ITGA11: variants seen among roughly 807,000 people sequenced by gnomAD.
The protein encoded by ITGA11 is integrin subunit alpha 11, also known as integrin alpha-11.
Under a neutral mutation model 141.9 loss-of-function variants are expected in ITGA11, and 97 were observed. That is an observed-to-expected ratio of 0.68 (90% CI 0.58 to 0.81). ITGA11 has a LOEUF of 0.81. Ranked by LOEUF, ITGA11 falls within the 30% of genes least tolerant of loss-of-function variation. The probability of loss-of-function intolerance (pLI) is 0.00; values close to 1 mark genes in which losing one functional copy is unlikely to be tolerated. For synonymous variants in ITGA11, 658 were observed against 624.6 expected, an observed-to-expected ratio of 1.05 and a Z score of -0.80; for missense variants, 1,387 against 1,559.2, an observed-to-expected ratio of 0.89 and a Z score of 1.86.
chr15:68,350,485 TG>T, intron 9 of ITGA11, 131 bp downstream of exon 9: 1 of 857,684 alleles, frequency 1.2e-6, no homozygotes, highest in Non-Finnish European at 1.7e-6. Flanking sequence ...TCACCATGCC[TG>T]GCCTGGCATT....
rs1022282540 is a variant in ITGA11, at chr15:68,305,094, C to T, written c.3382-1209G>A. ...CCTGCAAGGCCCTCCCCTCTCGGGT[C>T]CCACCTGTCTTGCTGACCTCACCTC... On this transcript the variant is annotated intron_variant, in intron 28 of 29. Transcript: ENST00000315757. The surrounding 1 kb of genome is among the most constrained non-coding windows in gnomAD (Gnocchi z 4.6). Among the ~76,000 whole-genome samples, 2 of 152,274 alleles carry T rather than the reference C, an allele frequency of 1.3e-5. No homozygotes were observed. The highest frequency in any genetic ancestry group is 6.5e-5 in the Admixed American group (1 of 15,292).
chr15:68,351,176 A>G, intron 8 of ITGA11, 82 bp downstream of exon 8: 1 of 1,451,462 alleles, frequency 6.9e-7, no homozygotes, highest in South Asian at 1.2e-5. Flanking sequence ...ACTGCCTGGA[A>G]CTAGTCCCTT....
intron 4 of ITGA11, among the ~76,000 whole-genome samples, chr15:68,362,197 G>A (rs1156497240): frequency 1.3e-5 from 2 of 152,202 alleles, no homozygotes; most frequent in East Asian, 3.8e-4. Context: ...AAGAATGTCT[G>A]TATTCTTTCT....
intron 20 of ITGA11, among the ~76,000 whole-genome samples, chr15:68,319,080 G>A (rs1213965638): frequency 6.6e-6 from 1 of 152,344 alleles, no homozygotes; most frequent in East Asian, 1.9e-4. Context: ...TATGCGGGCT[G>A]GAGGGCCGCC....
At chr15:68,329,916 A>C (rs1347422257) in intron 15 of ITGA11, among the ~76,000 whole-genome samples, 1 of 152,232 alleles carries the variant, frequency 6.6e-6, no homozygotes, top group African/African-American at 2.4e-5. Flanking sequence ...GTTGGGCAGC[A>C]GATGCTCTGG....
In ITGA11 at chr15:68,328,066, G is replaced by T. The variant is rs1894036566; in HGVS notation, c.2068+30C>A. 1 of 1,598,406 alleles carries T rather than the reference G, an allele frequency of 6.3e-7. No individual in the cohort carries two copies. Among genetic ancestry groups the T allele is most frequent in the Non-Finnish European group, 8.5e-7 (1 of 1,171,622 alleles). ...GGTGCAGGGGGAGACTGGAGTCTGG[G>T]GGTGGGGAGAAAGGAGGGGCCTGCT... On this transcript the variant is annotated intron_variant, in intron 16 of 29. Coordinates refer to ENST00000315757, the MANE Select transcript of ITGA11 (RefSeq NM_001004439.2). This position sits in a 1 kb window ranked among gnomAD's most constrained non-coding sequence, Gnocchi z 4.8.
rs1000809358 is a variant in ITGA11, at chr15:68,333,650, T to C, written c.1426-1172A>G. Among the ~76,000 whole-genome samples the C allele has an allele frequency of 7.2e-5, 11 of 152,180 alleles. No individual in the cohort carries two copies. The highest frequency in any genetic ancestry group is 1.3e-4 in the Non-Finnish European group (9 of 68,030). ...TCACCAACTGCTCCCCCCTGCTTCG[T>C]CCCTAGGTGAGGCGCCTTCTAAAGG... On this transcript the variant is annotated intron_variant, in intron 12 of 29. Coordinates refer to ENST00000315757, the MANE Select transcript of ITGA11 (RefSeq NM_001004439.2). The surrounding 1 kb of genome is among the most constrained non-coding windows in gnomAD (Gnocchi z 4.2).
chr15:68,384,692 T>C (rs1317251498), intron 2 of ITGA11, among the ~76,000 whole-genome samples: 2 of 152,240 alleles, frequency 1.3e-5, no homozygotes, highest in Non-Finnish European at 2.9e-5. Flanking sequence ...TGGGCTTCGC[T>C]TCTGTAGTGA....
At chr15:68,348,991 G>A (rs1894825589) in intron 9 of ITGA11, 91 bp from the exon 10 acceptor site, 7 of 1,147,356 alleles carry the variant, frequency 6.1e-6, no homozygotes, top group Non-Finnish European at 8.9e-6. Flanking sequence ...CCTGCTTCCT[G>A]GGGGCATCGT....
intron 1 of ITGA11, among the ~76,000 whole-genome samples, chr15:68,430,853 C>A (rs1219978623): frequency 6.6e-6 from 1 of 152,234 alleles, no homozygotes; most frequent in Non-Finnish European, 1.5e-5. Context: ...CTCTGTAGGC[C>A]GACAGGAGGG....
chr15:68,401,845 C>T (rs374363592), intron 2 of ITGA11, among the ~76,000 whole-genome samples: 13 of 151,748 alleles, frequency 8.6e-5, no homozygotes, highest in East Asian at 1.9e-4. Context: ...TGTTATACCT[C>T]GGTAGAAAGA....
At chr15:68,342,346 G>T (rs1894597180) in intron 10 of ITGA11, among the ~76,000 whole-genome samples, 1 of 152,318 alleles carries the variant, frequency 6.6e-6, no homozygotes, top group East Asian at 1.9e-4. Context: ...ACCAGGGTGT[G>T]CCTGGGTGGC....
rs367798161 is a variant in ITGA11, at chr15:68,369,335, T to C, written c.165-51A>G. On this transcript the variant is annotated intron_variant, in intron 2 of 29. Coordinates refer to ENST00000315757, the MANE Select transcript of ITGA11 (RefSeq NM_001004439.2). ...AGACATTGGGGGAGGTACTCTTTCC[T>C]GGCAGAGGATGGAGCCTGGTGGGCA... 1.5e-5 allele frequency: 14 copies of C among 960,870 alleles called. No homozygotes were observed. In the Admixed American group the frequency reaches 1.7e-4, roughly 12 times the overall value. The allele number at this position is 960,870 out of a possible 1,614,324, so 59.5% of individuals were successfully genotyped here.
chr15:68,330,884 G>C, intron 15 of ITGA11, 97 bp downstream of exon 15: 1 of 1,459,044 alleles, frequency 6.9e-7, no homozygotes, highest in East Asian at 2.3e-5. Flanking sequence ...GGCAGTTAAA[G>C]ACAAGAGACA....
chr15:68,362,294 T>TGAAA (rs2140349768), intron 4 of ITGA11, among the ~76,000 whole-genome samples: 2 of 152,340 alleles, frequency 1.3e-5, no homozygotes, highest in South Asian at 4.1e-4. Context: ...TCATTAAAAA[T>TGAAA]GAAAGCTCAG....
intron 2 of ITGA11, among the ~76,000 whole-genome samples, chr15:68,397,793 T>C (rs1288782964): frequency 9.3e-6 from 1 of 107,368 alleles, no homozygotes; most frequent in Non-Finnish European, 1.8e-5. Context: ...TAAAATAATA[T>C]AAAATTATTA....
chr15:68,420,466 G>A (rs1294670800), intron 1 of ITGA11, among the ~76,000 whole-genome samples: 5 of 152,046 alleles, frequency 3.3e-5, no homozygotes, highest in Admixed American at 2.0e-4. Flanking sequence ...AACCTTCCTC[G>A]CTCTGCCCAT....
chr15:68,387,937 C>T (rs141138222), intron 2 of ITGA11, among the ~76,000 whole-genome samples: 4 of 152,250 alleles, frequency 2.6e-5, no homozygotes, highest in Middle Eastern at 3.4e-3. Flanking sequence ...TCCCAAGCCC[C>T]GCTTCCTTCT....
intron 1 of ITGA11, among the ~76,000 whole-genome samples, chr15:68,418,843 T>G (rs1896951571): frequency 6.6e-6 from 1 of 151,432 alleles, no homozygotes; most frequent in Admixed American, 6.6e-5. Flanking sequence ...GGTGTGTGGA[T>G]CAAGAGCCCT....
Sources: allele counts gnomAD v4.1 joint callset (sites outside exome capture counted in the v4.1 genomes callset), GRCh38; gene constraint gnomAD v4.1.1; non-coding constraint Gnocchi (gnomAD v3.1); transcripts MANE v1.5; gene names NCBI Gene and HGNC (gene_info 2026-07-23, HGNC 2026-07-21).